Variants in TMEM116 observed in about 807,000 individuals in gnomAD.
The protein encoded by TMEM116 is transmembrane protein 116.
In TMEM116, 38 loss-of-function variants were observed where a neutral mutation model predicts 44.3. That is an observed-to-expected ratio of 0.86 (90% CI 0.66 to 1.12). The LOEUF is 1.12. Among genes scored for constraint, TMEM116 ranks in the 50% most tolerant of loss-of-function variants. The pLI, the probability that TMEM116 is intolerant of heterozygous loss-of-function variation, is 0.00. For synonymous variants in TMEM116, 132 were observed against 144.8 expected (o/e 0.91, Z 0.64); for missense variants, 354 against 401.7 (o/e 0.88, Z 1.01).
chr12:112,006,648 T>C (rs1307694379), intron 1 of TMEM116, among the ~76,000 whole-genome samples: 2 of 152,122 alleles, frequency 1.3e-5, no homozygotes, highest in South Asian at 2.1e-4. Flanking sequence ...TATAATATAG[T>C]AGGAAAAATG....
At chr12:111,957,822 G>T in intron 4 of TMEM116, among the ~76,000 whole-genome samples, 2 of 152,192 alleles carry the variant, frequency 1.3e-5, no homozygotes, top group Non-Finnish European at 2.9e-5. Flanking sequence ...TGGCGGTTTT[G>T]TTGAATAGAA....
At chr12:111,932,074 GC>G (rs59836372) in intron 10 of TMEM116, among the ~76,000 whole-genome samples, 1 of 151,814 alleles carries the variant, frequency 6.6e-6, no homozygotes, top group African/African-American at 2.4e-5. Flanking sequence ...TAGCTTCAGT[GC>G]CCCCCCTTAT....
intron 4 of TMEM116, among the ~76,000 whole-genome samples, chr12:111,967,689 C>T (rs1034199103): frequency 2.6e-5 from 4 of 152,020 alleles, no homozygotes; most frequent in Admixed American, 6.6e-5. Context: ...GATACAAGCC[C>T]TAATGATCCC....
intron 4 of TMEM116, among the ~76,000 whole-genome samples, chr12:111,957,845 T>C (rs1305944416): frequency 6.6e-6 from 1 of 152,072 alleles, no homozygotes; most frequent in Non-Finnish European, 1.5e-5. Flanking sequence ...GGGGGAAATG[T>C]GGGGAAAAGA....
At chr12:111,964,495 G>C (rs1364683461) in intron 4 of TMEM116, among the ~76,000 whole-genome samples, 1 of 150,640 alleles carries the variant, frequency 6.6e-6, no homozygotes, top group African/African-American at 2.4e-5. Context: ...ATGAACATTT[G>C]TGATAAGGAA....
At chr12:111,937,992 C>T (rs2072309954) in intron 6 of TMEM116, 169 bp downstream of exon 6, 1 of 431,850 alleles carries the variant, frequency 2.3e-6, no homozygotes, top group African/African-American at 2.1e-5. Flanking sequence ...CTTCCCTATT[C>T]AATGTGGAAA....
intron 4 of TMEM116, among the ~76,000 whole-genome samples, chr12:111,953,650 C>T (rs750782129): frequency 3.3e-5 from 5 of 152,182 alleles, no homozygotes; most frequent in African/African-American, 4.8e-5. Context: ...ACTGATGCCA[C>T]GCTTGTTAAT....
chr12:111,985,483 G>A (rs773312049), intron 4 of TMEM116, among the ~76,000 whole-genome samples: 20 of 152,076 alleles, frequency 1.3e-4, no homozygotes, highest in Non-Finnish European at 2.8e-4. Flanking sequence ...AACCAAGGAC[G>A]GAAAAGACTT....
intron 4 of TMEM116, among the ~76,000 whole-genome samples, chr12:111,966,034 C>T (rs929115574): frequency 3.3e-5 from 5 of 151,996 alleles, no homozygotes; most frequent in Admixed American, 1.3e-4. Flanking sequence ...AGGCCAGGCA[C>T]GGTGGCTCAT....
rs371150794 is a variant in TMEM116, at chr12:112,000,530, C to CT, written c.78+3269dup. ...GCCTCTCATGATCTGATTTTTTTTTCTTTTTTTTTTTTTTGAAATAGGGTC... is the reference window on the plus strand; with the variant it reads ...GCCTCTCATGATCTGATTTTTTTTTCTTTTTTTTTTTTTTTGAAATAGGGTC... On this transcript the variant is annotated intron_variant, in intron 3 of 10. Coordinates refer to ENST00000552374, the MANE Select transcript of TMEM116 (RefSeq NM_001193531.2). Among the ~76,000 whole-genome samples the CT allele has an allele frequency of 9.4e-3, 1,318 of 140,558 alleles. 15 individuals are homozygous for CT. Among genetic ancestry groups the CT allele is most frequent in the Middle Eastern group, 0.033 (9 of 270 alleles). 92.2% of individuals were successfully genotyped at this position (140,558 alleles called of 152,430 possible).
At chr12:111,939,757 G>C (rs1204970138) in intron 5 of TMEM116, among the ~76,000 whole-genome samples, 1 of 151,998 alleles carries the variant, frequency 6.6e-6, no homozygotes, top group Non-Finnish European at 1.5e-5. Context: ...GGGCCCAGGA[G>C]ATTGAGGCAG....
chr12:111,973,350 T>C (rs1301377421), intron 4 of TMEM116, among the ~76,000 whole-genome samples: 1 of 152,156 alleles, frequency 6.6e-6, no homozygotes, highest in Non-Finnish European at 1.5e-5. Context: ...AGAAAAATTT[T>C]AAAACAACAT....
intron 4 of TMEM116, among the ~76,000 whole-genome samples, chr12:111,963,524 G>A (rs1023484821): frequency 6.6e-6 from 1 of 152,062 alleles, no homozygotes; most frequent in Non-Finnish European, 1.5e-5. Context: ...TCCTTTGCAG[G>A]GACATGGATG....
At chr12:111,937,720 A>G (rs1025704744) in intron 6 of TMEM116, among the ~76,000 whole-genome samples, 4 of 152,216 alleles carry the variant, frequency 2.6e-5, no homozygotes, top group Admixed American at 2.6e-4. Flanking sequence ...AAGATCCAGG[A>G]ACAAAAGTCA....
In TMEM116 at chr12:111,931,635, A is replaced by C; in HGVS notation, c.1000T>G (p.Ser334Ala). Residue 334 changes from serine to alanine, a missense_variant, in exon 11 of 11, where the codon TCT becomes GCT. Transcript: ENST00000552374. ...GTATTGTAGTTTCAAAAAATGGTAG[A>C]AGTACTGGCAGGAAAAGTCAGGGTG... Reference protein sequence around the residue: ...ESTLTFPASTSTIF With the variant: ...ESTLTFPASTATIF The C allele has an allele frequency of 6.2e-7, 1 of 1,614,184 alleles. No individual in the cohort carries two copies.
intron 4 of TMEM116, among the ~76,000 whole-genome samples, chr12:111,959,069 A>G (rs2136369909): frequency 1.3e-5 from 2 of 152,318 alleles, no homozygotes; most frequent in Middle Eastern, 3.4e-3. Flanking sequence ...GGTTGAAATG[A>G]AAGAAAAAAT....
chr12:112,003,311 G>A (rs1379504293), intron 3 of TMEM116, among the ~76,000 whole-genome samples: 1 of 152,172 alleles, frequency 6.6e-6, no homozygotes, highest in African/African-American at 2.4e-5. Context: ...GCTCACGCCT[G>A]TAATCCCAGC....
intron 3 of TMEM116, among the ~76,000 whole-genome samples, chr12:112,000,130 C>T (rs948399655): frequency 6.6e-6 from 1 of 152,124 alleles, no homozygotes; most frequent in Non-Finnish European, 1.5e-5. Flanking sequence ...TAACACAATT[C>T]TCCTTGATAT....
intron 4 of TMEM116, among the ~76,000 whole-genome samples, chr12:111,975,896 C>G (rs2075639814): frequency 6.6e-6 from 1 of 152,162 alleles, no homozygotes; most frequent in Non-Finnish European, 1.5e-5. Flanking sequence ...AGAATGCTTC[C>G]CCTCTCCAAC....
Sources: allele counts gnomAD v4.1 joint callset (sites outside exome capture counted in the v4.1 genomes callset), GRCh38; gene constraint gnomAD v4.1.1; transcripts MANE v1.5; gene names NCBI Gene and HGNC (gene_info 2026-07-23, HGNC 2026-07-21).